NAV3: variants seen among roughly 807,000 people sequenced by gnomAD.
The protein encoded by NAV3 is pore membrane and/or filament interacting like protein 1.
In NAV3, 87 loss-of-function variants were observed where a neutral mutation model predicts 244.7. That is an observed-to-expected ratio of 0.36 (90% CI 0.30 to 0.42). NAV3 has a LOEUF of 0.42. NAV3 is among the 20% of genes least tolerant of loss of function. NAV3 has a pLI of 1.00. For synonymous variants in NAV3, 1,126 were observed against 1,042.2 expected, an observed-to-expected ratio of 1.08 and a Z score of -1.55; for missense variants, 2,663 against 2,893.3, an observed-to-expected ratio of 0.92 and a Z score of 1.83.
intron 1 of NAV3, among the ~76,000 whole-genome samples, chr12:77,862,682 T>A (rs1347537354): frequency 2.0e-5 from 3 of 151,848 alleles, no homozygotes; most frequent in Non-Finnish European, 2.9e-5. Context: ...CTCTTTCTGT[T>A]TGAATTTATC....
chr12:77,578,593 A>G (rs74104958), intron 2 of NAV3, among the ~76,000 whole-genome samples: 117 of 152,278 alleles, frequency 7.7e-4, no homozygotes, highest in African/African-American at 2.7e-3. Context: ...CTAATGTTGG[A>G]CTCTGTTAGC....
At chr12:77,925,390 G>T (rs1005426740) in intron 1 of NAV3, among the ~76,000 whole-genome samples, 5 of 152,084 alleles carry the variant, frequency 3.3e-5, no homozygotes, top group Non-Finnish European at 5.9e-5. Context: ...TGAGCAGTCT[G>T]CATGTTTTCT....
intron 16 of NAV3, among the ~76,000 whole-genome samples, chr12:78,124,636 T>A (rs896881539): frequency 6.6e-6 from 1 of 151,998 alleles, no homozygotes; most frequent in Non-Finnish European, 1.5e-5. Context: ...GTATTTTTTG[T>A]AGAGATGAAG....
At chr12:77,993,051 A>C (rs1871720957) in intron 5 of NAV3, among the ~76,000 whole-genome samples, 1 of 152,236 alleles carries the variant, frequency 6.6e-6, no homozygotes, top group South Asian at 2.1e-4. Flanking sequence ...ATAATAATTC[A>C]GAAAACACAC....
chr12:77,594,216 A>T (rs963771065), intron 2 of NAV3, among the ~76,000 whole-genome samples: 21 of 151,978 alleles, frequency 1.4e-4, no homozygotes, highest in Non-Finnish European at 1.5e-4. Context: ...CCCATGGGGG[A>T]TGTTGAGGTG....
At chr12:77,633,670 G>C (rs2136926555) in intron 2 of NAV3, among the ~76,000 whole-genome samples, 1 of 152,208 alleles carries the variant, frequency 6.6e-6, no homozygotes, top group Middle Eastern at 3.4e-3. Context: ...GTTGGTAATA[G>C]TAAATAATTG....
chr12:78,035,411 A>G (rs1879689773), intron 9 of NAV3, among the ~76,000 whole-genome samples: 1 of 152,158 alleles, frequency 6.6e-6, no homozygotes, highest in Admixed American at 6.5e-5. Context: ...CTGCTATACT[A>G]TATATTTGTT....
intron 2 of NAV3, among the ~76,000 whole-genome samples, chr12:77,796,636 A>G (rs1160774156): frequency 1.4e-4 from 22 of 152,192 alleles, no homozygotes. Flanking sequence ...TTGTCATGAA[A>G]GGAAGAGTTA....
At chr12:77,832,313 A>G (rs573101008) in intron 1 of NAV3, among the ~76,000 whole-genome samples, 1 of 152,206 alleles carries the variant, frequency 6.6e-6, no homozygotes, top group African/African-American at 2.4e-5. Flanking sequence ...TTAATTTATG[A>G]TATTTTGTGA....
intron 2 of NAV3, among the ~76,000 whole-genome samples, chr12:77,620,148 T>C (rs993570005): frequency 4.7e-4 from 72 of 152,308 alleles, no homozygotes; most frequent in African/African-American, 1.7e-3. Flanking sequence ...ATTCAGCTTT[T>C]ACCTCCTCCT....
At chr12:78,113,661 T>A (rs1398951751) in intron 12 of NAV3, among the ~76,000 whole-genome samples, 1 of 152,134 alleles carries the variant, frequency 6.6e-6, no homozygotes, top group East Asian at 1.9e-4. Context: ...AAAACCAATT[T>A]TCCCTCCTAG....
rs1455098694 is a variant in NAV3, at chr12:77,691,335, G to GTATATATATA, written c.72+119070_72+119071insATATATATAT. On this transcript the variant is annotated intron_variant, in intron 2 of 8. Coordinates refer to the NAV3 transcript ENST00000550042. ...GTCATATATAAGTATTTGTGTATGT[G>GTATATATATA]TGTATATATATATATATATACATAT... Among the ~76,000 whole-genome samples the GTATATATATA allele has an allele frequency of 7.8e-4, 81 of 103,452 alleles. 3 individuals carry two copies. The highest frequency in any genetic ancestry group is 2.7e-3 in the African/African-American group (78 of 28,706). 67.9% of individuals were successfully genotyped at this position (103,452 alleles called of 152,430 possible).
At chr12:77,712,395 C>G (rs928777377) in intron 2 of NAV3, among the ~76,000 whole-genome samples, 1 of 152,146 alleles carries the variant, frequency 6.6e-6, no homozygotes, top group African/African-American at 2.4e-5. Flanking sequence ...GTTTAATGCA[C>G]ATGGGCTCTC....
At chr12:77,757,458 A>G (rs747400973) in intron 2 of NAV3, among the ~76,000 whole-genome samples, 1 of 152,234 alleles carries the variant, frequency 6.6e-6, no homozygotes, top group Non-Finnish European at 1.5e-5. Flanking sequence ...TCACCTGTTC[A>G]TTCCTTAAAC....
chr12:77,942,043 A>G (rs2137500220), intron 3 of NAV3, among the ~76,000 whole-genome samples: 1 of 152,352 alleles, frequency 6.6e-6, no homozygotes, highest in East Asian at 1.9e-4. Flanking sequence ...AATAAACATA[A>G]TTTATTTCTA....
chr12:77,614,805 G>T (rs1871085080), intron 2 of NAV3, among the ~76,000 whole-genome samples: 1 of 152,122 alleles, frequency 6.6e-6, no homozygotes, highest in South Asian at 2.1e-4. Context: ...CCCAGCGATT[G>T]GTGCATAGTA....
upstream of NAV3, among the ~76,000 whole-genome samples, chr12:77,830,650 A>G (rs984275024): frequency 1.3e-5 from 2 of 152,224 alleles, no homozygotes; most frequent in African/African-American, 2.4e-5. Context: ...AGCTAGTTGC[A>G]CTATTGCATG....
Position 77,831,675 on chromosome 12 carries a change from G to C in NAV3, c.214G>C (p.Gly72Arg). 6.2e-7 allele frequency: 1 copy of C among 1,610,948 alleles called. No individual in the cohort carries two copies. ...CEFGEKKPLQ[G>R]KAKEKEDSKI... ...ATTTGGAGAGAAGAAACCCCTCCAA[G>C]GAAAAGCCAAGGAGAAAGAAGACAG... is the stretch of plus-strand genomic sequence containing the variant. Residue 72 changes from glycine to arginine, a missense_variant, in exon 1 of 40, where the codon GGA becomes CGA. Coordinates refer to ENST00000397909, the MANE Select transcript of NAV3 (RefSeq NM_001024383.2).
chr12:77,597,579 T>G (rs1005039077), intron 2 of NAV3, among the ~76,000 whole-genome samples: 10 of 152,128 alleles, frequency 6.6e-5, no homozygotes, highest in African/African-American at 2.2e-4. Flanking sequence ...AGGAGGAATT[T>G]TAATAGACTT....
Sources: allele counts gnomAD v4.1 joint callset (sites outside exome capture counted in the v4.1 genomes callset), GRCh38; gene constraint gnomAD v4.1.1; transcripts MANE v1.5; gene names NCBI Gene and HGNC (gene_info 2026-07-23, HGNC 2026-07-21).